The following SIPA1L1 variants were observed in gnomAD, a reference collection of about 807,000 sequenced individuals.
The protein encoded by SIPA1L1 is signal-induced proliferation-associated 1-like protein 1.
SIPA1L1 carries 26 observed loss-of-function variants against 162.7 expected under a neutral mutation model. The ratio of observed to expected loss-of-function variants is 0.16; its 90% confidence interval spans 0.12 to 0.22. SIPA1L1 has a LOEUF of 0.22. SIPA1L1 is among the 10% of genes least tolerant of loss of function. SIPA1L1 has a pLI of 1.00. For missense variants in SIPA1L1, 1,874 were observed against 2,241.0 expected, an observed-to-expected ratio of 0.84 and a Z score of 3.31; for synonymous variants, 829 against 837.4, an observed-to-expected ratio of 0.99 and a Z score of 0.17.
intron 12 of SIPA1L1, among the ~76,000 whole-genome samples, chr14:71,680,816 A>G (rs957041445): frequency 2.0e-5 from 3 of 152,236 alleles, no homozygotes; most frequent in African/African-American, 7.2e-5. Flanking sequence ...CAAATAAACT[A>G]GAAAATCTAG....
At chr14:71,413,659 C>T (rs1310173235) in intron 2 of SIPA1L1, among the ~76,000 whole-genome samples, 1 of 152,092 alleles carries the variant, frequency 6.6e-6, no homozygotes, top group Non-Finnish European at 1.5e-5. Context: ...ATTGCTTGAA[C>T]CCAGGAGGCG....
chr14:71,615,544 G>A (rs1263749823), intron 5 of SIPA1L1, among the ~76,000 whole-genome samples: 5 of 152,322 alleles, frequency 3.3e-5, no homozygotes, highest in African/African-American at 1.2e-4. Context: ...TCCAGAAGCT[G>A]GAATTCACAG....
chr14:71,544,652 A>G (rs1163436193), intron 4 of SIPA1L1, among the ~76,000 whole-genome samples: 1 of 152,142 alleles, frequency 6.6e-6, no homozygotes, highest in East Asian at 1.9e-4. Context: ...AAATGAAACA[A>G]CTGTTAAGGT....
At chr14:71,450,953 C>T (rs768177184) in intron 2 of SIPA1L1, among the ~76,000 whole-genome samples, 29 of 152,114 alleles carry the variant, frequency 1.9e-4, no homozygotes, top group Non-Finnish European at 3.8e-4. Flanking sequence ...TCAGAATTCC[C>T]ATGTTTATTG....
intron 5 of SIPA1L1, among the ~76,000 whole-genome samples, chr14:71,616,115 G>C (rs1475784036): frequency 6.6e-6 from 1 of 152,190 alleles, no homozygotes; most frequent in African/African-American, 2.4e-5. Flanking sequence ...AGTTCTGAAA[G>C]CAGGTGGATT....
chr14:71,673,266 C>A (rs1271175252), intron 12 of SIPA1L1, among the ~76,000 whole-genome samples: 1 of 152,086 alleles, frequency 6.6e-6, no homozygotes, highest in Non-Finnish European at 1.5e-5. Context: ...AATTTAATTT[C>A]TCTGTCTCTG....
At chr14:71,608,724 G>A (rs182420231) in intron 5 of SIPA1L1, among the ~76,000 whole-genome samples, 96 of 152,022 alleles carry the variant, frequency 6.3e-4, no homozygotes, top group African/African-American at 2.2e-3. Flanking sequence ...GTGAAACCCC[G>A]TCTCTACTAA....
chr14:71,338,055 TC>T (rs1312972647), intron 2 of SIPA1L1, among the ~76,000 whole-genome samples: 1 of 152,204 alleles, frequency 6.6e-6, no homozygotes, highest in Admixed American at 6.5e-5. Context: ...GTCTCCCTTT[TC>T]CCTCTGGGCA....
chr14:71,458,232 T>C (rs891970841), intron 2 of SIPA1L1, among the ~76,000 whole-genome samples: 3 of 152,228 alleles, frequency 2.0e-5, no homozygotes, highest in African/African-American at 7.2e-5. Context: ...TACTTTATTA[T>C]TGACAGCTCT....
At chr14:71,362,790 C>G (rs932040243) in intron 2 of SIPA1L1, among the ~76,000 whole-genome samples, 1 of 152,118 alleles carries the variant, frequency 6.6e-6, no homozygotes, top group East Asian at 1.9e-4. Flanking sequence ...AATCAAAGGA[C>G]TATACTTTCA....
At chr14:71,527,167 T>TC in intron 3 of SIPA1L1, among the ~76,000 whole-genome samples, 1 of 152,208 alleles carries the variant, frequency 6.6e-6, no homozygotes, top group African/African-American at 2.4e-5. Context: ...CTTTTTCTTC[T>TC]CCCCCTAGGA....
chr14:71,615,910 C>T (rs1007117598), intron 5 of SIPA1L1, among the ~76,000 whole-genome samples: 3 of 152,176 alleles, frequency 2.0e-5, no homozygotes, highest in African/African-American at 7.2e-5. Context: ...GCAAGAGAAT[C>T]GCTTGAACCC....
intron 2 of SIPA1L1, among the ~76,000 whole-genome samples, chr14:71,325,904 A>G (rs1357766109): frequency 6.6e-6 from 1 of 152,150 alleles, no homozygotes; most frequent in Non-Finnish European, 1.5e-5. Context: ...CCCTTTTTCC[A>G]ATTCAGGAAA....
At chr14:71,512,000 C>T (rs564634172) in intron 2 of SIPA1L1, among the ~76,000 whole-genome samples, 2 of 152,240 alleles carry the variant, frequency 1.3e-5, no homozygotes, top group South Asian at 2.1e-4. Context: ...AAAAAACTGG[C>T]GAACAGAAGT....
intron 7 of SIPA1L1, among the ~76,000 whole-genome samples, chr14:71,648,319 A>T (rs1355104230): frequency 6.6e-6 from 1 of 152,164 alleles, no homozygotes; most frequent in Non-Finnish European, 1.5e-5. Flanking sequence ...TATATCCAGG[A>T]ACCCTCCTGT....
Position 71,588,394 on chromosome 14 carries a change from C to T in SIPA1L1, c.522C>T (p.Ser174=), listed in dbSNP as rs749899030. 5.0e-6 allele frequency: 8 copies of T among 1,613,958 alleles called. No individual in the cohort carries two copies. The South Asian group carries it at 7.7e-5, about 16-fold the overall frequency. The part of the protein sequence containing the change: ...RKALRRIRQR[S]NSDITISELD... ...CTCTTCGCAGAATACGCCAGCGAAG[C>T]AACAGTGATATCACCATAAGTGAAC... Residue 174 remains serine, a synonymous_variant, in exon 5 of 24, where the codon AGC becomes AGT. Transcript: ENST00000381232. The surrounding 1 kb of genome is among the most constrained non-coding windows in gnomAD (Gnocchi z 4.3).
rs764944554 is a variant in SIPA1L1, at chr14:71,671,546, G to A, written c.2683G>A (p.Val895Met). The A allele has an allele frequency of 2.5e-5, 41 of 1,614,058 alleles. No individual in the cohort carries two copies. The highest frequency in any genetic ancestry group is 3.3e-5 in the Non-Finnish European group (39 of 1,180,040). ...IVLIEQETKS[V>M]VFNCSCRDVI... is the part of the protein sequence containing the mutation. The stretch of plus-strand genomic sequence containing the variant: ...GCTCATTGAACAGGAAACAAAGAGC[G>A]TGGTCTTCAATTGTTCCTGTAGAGA... The change falls in exon 11 of 24, where the codon GTG (valine) becomes ATG (methionine). Residue 895 changes from valine to methionine, a missense_variant. Transcript: ENST00000381232.
At chr14:71,446,152 A>G (rs1285413941) in intron 2 of SIPA1L1, among the ~76,000 whole-genome samples, 1 of 152,128 alleles carries the variant, frequency 6.6e-6, no homozygotes, top group Non-Finnish European at 1.5e-5. Context: ...CCTGGCTCAC[A>G]CTTTTTGTTT....
chr14:71,704,939 G>A, intron 15 of SIPA1L1: 1 of 649,368 alleles, frequency 1.5e-6, no homozygotes, highest in Non-Finnish European at 2.7e-6. Flanking sequence ...ACCAAAAGTT[G>A]ATTCTGAACT....
Sources: allele counts gnomAD v4.1 joint callset (sites outside exome capture counted in the v4.1 genomes callset), GRCh38; gene constraint gnomAD v4.1.1; non-coding constraint Gnocchi (gnomAD v3.1); transcripts MANE v1.5; gene names NCBI Gene and HGNC (gene_info 2026-07-23, HGNC 2026-07-21).